Variants in IMPG1 observed in about 807,000 individuals in gnomAD.
IMPG1 encodes interphotoreceptor matrix proteoglycan of 150 kDa.
IMPG1 carries 85 observed loss-of-function variants against 92.0 expected under a neutral mutation model. The ratio of observed to expected loss-of-function variants is 0.92; its 90% CI spans 0.78 to 1.11. The LOEUF (loss-of-function observed/expected upper bound fraction) is 1.11, where lower values mean the gene tolerates loss of function less well. Ranked by LOEUF, IMPG1 falls within the 50% of genes least tolerant of loss-of-function variation. The probability of loss-of-function intolerance (pLI) is 0.00; values close to 1 mark genes in which losing one functional copy is unlikely to be tolerated. For synonymous variants in IMPG1, 367 were observed against 334.1 expected, an observed-to-expected ratio of 1.10 and a Z score of -1.08; for missense variants, 1,022 against 956.0, an observed-to-expected ratio of 1.07 and a Z score of -0.91.
At chr6:75,942,379 G>A (rs1781847898) in intron 14 of IMPG1, among the ~76,000 whole-genome samples, 1 of 152,178 alleles carries the variant, frequency 6.6e-6, no homozygotes. Context: ...ATTTGCTTAA[G>A]TGACCTTCTG....
intron 8 of IMPG1, among the ~76,000 whole-genome samples, chr6:76,008,998 C>A (rs1582101236): frequency 6.6e-6 from 1 of 152,162 alleles, no homozygotes; most frequent in East Asian, 1.9e-4. Context: ...TGGCTTCTTT[C>A]ACTCAACGAA....
chr6:75,990,588 T>TACACACAC (rs112985372), intron 12 of IMPG1, among the ~76,000 whole-genome samples: 36,635 of 144,656 alleles, frequency 0.25, 4,684 homozygotes, highest in East Asian at 0.41. Context: ...ACCCCACCTC[T>TACACACAC]ACACACACAC....
At chr6:75,967,719 G>A (rs1287044619) in intron 12 of IMPG1, among the ~76,000 whole-genome samples, 4 of 152,136 alleles carry the variant, frequency 2.6e-5, no homozygotes, top group Non-Finnish European at 5.9e-5. Context: ...GTTAGAAAAA[G>A]GAAGCCATAC....
rs113061254 is a variant in IMPG1, at chr6:75,932,645, G to T, written c.2045-1494C>A. ...TTTTCTTTATCTGCCATATCCCAAAGACATTTTTCCTTAGAATAATGAACT... is the reference window on the plus strand; with the variant it reads ...TTTTCTTTATCTGCCATATCCCAAATACATTTTTCCTTAGAATAATGAACT... On this transcript the variant is annotated intron_variant, in intron 14 of 16. Transcript: ENST00000369950. Among the ~76,000 whole-genome samples, 141 of 151,984 alleles carry T rather than the reference G, an allele frequency of 9.3e-4. 1 individual carries two copies. Among genetic ancestry groups the T allele is most frequent in the African/African-American group, 3.2e-3 (134 of 41,486 alleles).
At chr6:75,969,874 ATCTT>A (rs969743586) in intron 12 of IMPG1, among the ~76,000 whole-genome samples, 4 of 152,220 alleles carry the variant, frequency 2.6e-5, no homozygotes, top group Admixed American at 1.3e-4. Flanking sequence ...TTTTACCACT[ATCTT>A]TCTATTATTA....
rs558072098 is a variant in IMPG1 at position 75,974,330 on chromosome 6, C to CCTTTCTTTCTTTCTTT, written c.1292-23252_1292-23237dup. Among the ~76,000 whole-genome samples, 163 of 98,276 alleles carry CCTTTCTTTCTTTCTTT rather than the reference C, an allele frequency of 1.7e-3. 1 individual carries two copies. Among genetic ancestry groups the CCTTTCTTTCTTTCTTT allele is most frequent in the South Asian group, 3.5e-3 (9 of 2,538 alleles). The allele number at this position is 98,276 out of a possible 152,430, so 64.5% of individuals were successfully genotyped here. Reference sequence around the variant, plus strand: ...TTTTCTTTCTTTCCCTCTTTCTTTCCCTTTCTTTCTTTCTTTCTTTCTTTC... The same window carrying CCTTTCTTTCTTTCTTT: ...TTTTCTTTCTTTCCCTCTTTCTTTCCCTTTCTTTCTTTCTTTCTTTCTTTCTTTCTTTCTTTCTTTC... On this transcript the variant is annotated intron_variant, in intron 12 of 16. Coordinates refer to ENST00000369950, the MANE Select transcript of IMPG1 (RefSeq NM_001563.4).
chr6:75,982,477 T>C (rs765546372), intron 12 of IMPG1, among the ~76,000 whole-genome samples: 2 of 151,110 alleles, frequency 1.3e-5, no homozygotes, highest in Non-Finnish European at 2.9e-5. Flanking sequence ...GAGGCGGAGG[T>C]TGCAGTGAGC....
intron 12 of IMPG1, among the ~76,000 whole-genome samples, chr6:75,988,160 T>C (rs551459281): frequency 6.6e-6 from 1 of 152,308 alleles, no homozygotes; most frequent in East Asian, 1.9e-4. Context: ...CTGGGTCAAA[T>C]GGTATTTCTA....
intron 10 of IMPG1, among the ~76,000 whole-genome samples, chr6:76,004,479 C>A (rs578201686): frequency 4.6e-5 from 7 of 152,086 alleles, no homozygotes; most frequent in African/African-American, 1.7e-4. Context: ...TCTCAAGAGA[C>A]CTTTATGAAG....
At chr6:76,014,691 T>C (rs1276592665) in intron 7 of IMPG1, among the ~76,000 whole-genome samples, 1 of 152,178 alleles carries the variant, frequency 6.6e-6, no homozygotes, top group African/African-American at 2.4e-5. Context: ...AGAGATGCTG[T>C]TATATACATG....
chr6:76,038,082 T>C (rs1379687764), intron 2 of IMPG1, among the ~76,000 whole-genome samples: 3 of 152,222 alleles, frequency 2.0e-5, no homozygotes, highest in Non-Finnish European at 4.4e-5. Flanking sequence ...TCCTGGGTGC[T>C]ATGTAGCCTG....
chr6:76,023,734 T>A (rs1783474719), intron 5 of IMPG1, among the ~76,000 whole-genome samples: 1 of 152,136 alleles, frequency 6.6e-6, no homozygotes, highest in African/African-American at 2.4e-5. Flanking sequence ...TGTCCACTGA[T>A]CCCTCAAAGT....
At chr6:76,003,784 G>T (rs1783041827) in intron 11 of IMPG1, 90 bp downstream of exon 11, 5 of 941,806 alleles carry the variant, frequency 5.3e-6, no homozygotes, top group Non-Finnish European at 6.6e-6. Flanking sequence ...AGGGGATTTT[G>T]CTCTGTTCAT....
rs78608746 is a variant in IMPG1 at position 75,934,868 on chromosome 6, C to T, written c.2045-3717G>A. 1,365 of 446,508 alleles carry T rather than the reference C, an allele frequency of 3.1e-3. 16 individuals are homozygous for T. The highest frequency in any genetic ancestry group is 0.025 in the African/African-American group (1,260 of 49,740). 27.7% of individuals were successfully genotyped at this position (446,508 alleles called of 1,614,324 possible). On this transcript the variant is annotated intron_variant, in intron 14 of 16. Transcript: ENST00000369950. ...ACTGGCTGTGTGCTGAGTGCCTTAT[C>T]TCCCTAACATTTATCATATCATCTC... is the stretch of plus-strand genomic sequence containing the variant.
intron 12 of IMPG1, among the ~76,000 whole-genome samples, chr6:75,963,605 A>G (rs1782246879): frequency 6.6e-6 from 1 of 152,228 alleles, no homozygotes; most frequent in African/African-American, 2.4e-5. Flanking sequence ...ACTTTTTCAG[A>G]ATTCTGGAAA....
intron 1 of IMPG1, among the ~76,000 whole-genome samples, chr6:76,050,827 AG>A (rs1330155079): frequency 6.6e-6 from 1 of 152,200 alleles, no homozygotes; most frequent in Non-Finnish European, 1.5e-5. Flanking sequence ...AGGCATACAG[AG>A]GCTTACTGTA....
intron 7 of IMPG1, among the ~76,000 whole-genome samples, chr6:76,012,679 C>T (rs1372628699): frequency 6.6e-6 from 1 of 152,136 alleles, no homozygotes; most frequent in Non-Finnish European, 1.5e-5. Context: ...CATCCCTTTC[C>T]TCTCTTCCCT....
At chr6:76,015,548 C>T (rs1247313005) in intron 7 of IMPG1, among the ~76,000 whole-genome samples, 1 of 151,776 alleles carries the variant, frequency 6.6e-6, no homozygotes, top group African/African-American at 2.4e-5. Flanking sequence ...CGCCTGTAAT[C>T]CCAGCACTTT....
chr6:76,015,169 T>A (rs991792096), intron 7 of IMPG1, among the ~76,000 whole-genome samples: 1 of 152,224 alleles, frequency 6.6e-6, no homozygotes, highest in Non-Finnish European at 1.5e-5. Flanking sequence ...AAATGATTCC[T>A]TTTGACATTT....
Sources: gnomAD v4.1 joint callset for allele counts (sites outside exome capture counted in the v4.1 genomes callset) on GRCh38, gnomAD v4.1.1 for gene constraint, MANE v1.5 for transcripts, NCBI Gene and HGNC (gene_info 2026-07-23, HGNC 2026-07-21) for gene names.